The following TYW1 variants were observed in gnomAD, a reference collection of about 807,000 sequenced individuals.
TYW1 encodes the protein tRNA-yW synthesizing protein 1 homolog.
A neutral mutation model predicts 96.2 loss-of-function variants in TYW1; 46 were observed. The ratio of observed to expected loss-of-function variants is 0.48; its 90% CI spans 0.38 to 0.61. TYW1 has a LOEUF of 0.61. Among genes scored for constraint, TYW1 ranks in the 20% least tolerant of loss-of-function variants. TYW1 has a pLI of 0.00. For missense variants in TYW1, 684 were observed against 909.6 expected, an observed-to-expected ratio of 0.75 and a Z score of 3.19; for synonymous variants, 274 against 323.0, an observed-to-expected ratio of 0.85 and a Z score of 1.63.
chr7:67,012,411 G>A (rs1417297852), intron 4 of TYW1, among the ~76,000 whole-genome samples: 1 of 152,018 alleles, frequency 6.6e-6, no homozygotes, highest in African/African-American at 2.4e-5. Flanking sequence ...TACCGGCCCC[G>A]TCTTAGTGGT....
intron 15 of TYW1, among the ~76,000 whole-genome samples, chr7:67,209,569 T>G (rs1800927899): frequency 6.6e-6 from 1 of 152,040 alleles, no homozygotes; most frequent in Non-Finnish European, 1.5e-5. Context: ...CTGTAAAATT[T>G]TTTTAAATTT....
chr7:67,073,045 A>G (rs1442487433), intron 10 of TYW1, among the ~76,000 whole-genome samples: 2 of 146,430 alleles, frequency 1.4e-5, no homozygotes, highest in Non-Finnish European at 3.0e-5. Context: ...TAGCCTCCCA[A>G]AGTGCTGAGA....
chr7:67,148,575 G>A (rs10228831), intron 13 of TYW1, among the ~76,000 whole-genome samples: 39,173 of 151,288 alleles, frequency 0.26, 5,520 homozygotes, highest in African/African-American at 0.38. Context: ...ACAGGCGCCT[G>A]CCACCACGCC....
chr7:67,166,257 AAAAAC>A (rs200331707), intron 13 of TYW1, among the ~76,000 whole-genome samples: 35,504 of 139,796 alleles, frequency 0.25, 5,128 homozygotes, highest in African/African-American at 0.37. Context: ...CCTCTCAACA[AAAAAC>A]AAACGAAAAG....
At chr7:67,177,201 C>T (rs1241782484) in intron 13 of TYW1, among the ~76,000 whole-genome samples, 4 of 151,816 alleles carry the variant, frequency 2.6e-5, no homozygotes, top group South Asian at 4.2e-4. Context: ...CAACACCACA[C>T]GCAAAAGTCA....
intron 8 of TYW1, among the ~76,000 whole-genome samples, chr7:67,052,446 A>G (rs926303102): frequency 2.6e-5 from 4 of 152,134 alleles, no homozygotes; most frequent in African/African-American, 7.2e-5. Flanking sequence ...CGTTAATCCT[A>G]TGTAATATGT....
At chr7:67,220,427 T>C (rs1801351491) in intron 15 of TYW1, among the ~76,000 whole-genome samples, 1 of 152,070 alleles carries the variant, frequency 6.6e-6, no homozygotes, top group Non-Finnish European at 1.5e-5. Flanking sequence ...ATAGTCTCGA[T>C]CTCCTGACCT....
intron 7 of TYW1, among the ~76,000 whole-genome samples, chr7:67,042,271 A>G (rs1795053232): frequency 6.6e-6 from 1 of 151,584 alleles, no homozygotes; most frequent in African/African-American, 2.4e-5. Flanking sequence ...ATGTCTTCAA[A>G]TAGGATAGAT....
intron 7 of TYW1, among the ~76,000 whole-genome samples, chr7:67,029,767 C>T (rs548913352): frequency 1.3e-5 from 2 of 152,178 alleles, no homozygotes; most frequent in East Asian, 3.9e-4. Context: ...GTGGTGTGAT[C>T]ACGGCTCACT....
intron 6 of TYW1, among the ~76,000 whole-genome samples, chr7:67,018,405 G>A (rs1033369580): frequency 5.9e-5 from 9 of 151,802 alleles, no homozygotes; most frequent in South Asian, 2.1e-4. Context: ...GCAAGGCATG[G>A]TGGTGCATGC....
At chr7:67,100,002 C>CA (rs936265638) in intron 12 of TYW1, among the ~76,000 whole-genome samples, 52 of 142,930 alleles carry the variant, frequency 3.6e-4, no homozygotes, top group African/African-American at 4.6e-4. Flanking sequence ...AACTCTGACT[C>CA]AAAAAAAAAA....
chr7:67,113,818 T>C (rs1797505604), intron 12 of TYW1, among the ~76,000 whole-genome samples: 1 of 151,990 alleles, frequency 6.6e-6, no homozygotes, highest in African/African-American at 2.4e-5. Context: ...TTGTATTTTT[T>C]AGTAGAGATG....
chr7:66,999,890 A>T (rs1168739025), intron 3 of TYW1, among the ~76,000 whole-genome samples: 1 of 151,746 alleles, frequency 6.6e-6, no homozygotes, highest in East Asian at 1.9e-4. Context: ...CACTGTGAGG[A>T]TTTAGTGATA....
At chr7:67,158,626 G>C (rs1440141188) in intron 13 of TYW1, among the ~76,000 whole-genome samples, 1 of 152,024 alleles carries the variant, frequency 6.6e-6, no homozygotes, top group Non-Finnish European at 1.5e-5. Flanking sequence ...CTGGAGTGCA[G>C]TGGCATGATC....
intron 13 of TYW1, among the ~76,000 whole-genome samples, chr7:67,182,779 A>G (rs1028893463): frequency 3.3e-5 from 5 of 152,182 alleles, no homozygotes; most frequent in Non-Finnish European, 5.9e-5. Flanking sequence ...GGGTATTTCA[A>G]TTAATTTTTT....
Position 67,032,344 on chromosome 7 carries a change from C to T in TYW1, c.984+7322C>T, listed in dbSNP as rs143625875. On this transcript the variant is annotated intron_variant, in intron 7 of 15. Coordinates refer to ENST00000359626, the MANE Select transcript of TYW1 (RefSeq NM_018264.4). ...AGATAAACAGAAGTAGGAGGCCTGG[C>T]GTGCTGAATTGCACATGTAATCCCA... 1.2e-3 allele frequency among the ~76,000 whole-genome samples: 183 copies of T among 152,100 alleles called. 1 individual carries two copies. Among genetic ancestry groups the T allele is most frequent in the Non-Finnish European group, 5.4e-4 (37 of 67,994 alleles).
At chr7:67,029,178 T>A (rs1393344310) in intron 7 of TYW1, among the ~76,000 whole-genome samples, 2 of 151,744 alleles carry the variant, frequency 1.3e-5, no homozygotes, top group African/African-American at 4.8e-5. Flanking sequence ...TTTTGTATTT[T>A]TAGTAGAGAC....
In TYW1 at chr7:67,148,117, G is replaced by T. The variant is rs1299216938; in HGVS notation, c.1698+30499G>T. On this transcript the variant is annotated intron_variant, in intron 13 of 15. Transcript: ENST00000359626. ...GGTCACAGAAGGCTTTGGGGTTTGT[G>T]GGGGGGCTTTGAGGGGAGGGTTATT... Among the ~76,000 whole-genome samples the T allele has an allele frequency of 7.9e-5, 12 of 151,696 alleles. No homozygotes were observed. The East Asian group carries it at 1.2e-3, about 15-fold the overall frequency.
chr7:67,043,598 A>G (rs1795096223), intron 7 of TYW1, among the ~76,000 whole-genome samples: 1 of 152,124 alleles, frequency 6.6e-6, no homozygotes, highest in Non-Finnish European at 1.5e-5. Context: ...GAATAACAGG[A>G]AGCTAGTTTC....
Sources: allele counts gnomAD v4.1 joint callset (sites outside exome capture counted in the v4.1 genomes callset), GRCh38; gene constraint gnomAD v4.1.1; transcripts MANE v1.5; gene names NCBI Gene and HGNC (gene_info 2026-07-23, HGNC 2026-07-21).